The following GAS2 variants were observed in gnomAD, a reference collection of about 807,000 sequenced individuals.
The protein encoded by GAS2 is growth arrest specific 2.
A neutral mutation model predicts 37.5 loss-of-function variants in GAS2; 20 were observed. That is an observed-to-expected ratio of 0.53 (90% CI 0.37 to 0.77). The LOEUF is 0.77. Among genes scored for constraint, GAS2 ranks in the 30% least tolerant of loss-of-function variants. GAS2 has a pLI of 0.00. For missense variants in GAS2, 336 were observed against 373.4 expected, an observed-to-expected ratio of 0.90 and a Z score of 0.82; for synonymous variants, 144 against 132.2, an observed-to-expected ratio of 1.09 and a Z score of -0.61.
intron 3 of GAS2, among the ~76,000 whole-genome samples, chr11:22,708,882 A>G (rs1448598259): frequency 6.6e-6 from 1 of 152,172 alleles, no homozygotes; most frequent in Non-Finnish European, 1.5e-5. Flanking sequence ...GGGACTTGCA[A>G]TTATTTGGGC....
At chr11:22,639,085 C>G (rs1452365880) in intron 1 of GAS2, among the ~76,000 whole-genome samples, 1 of 152,080 alleles carries the variant, frequency 6.6e-6, no homozygotes, top group Non-Finnish European at 1.5e-5. Context: ...ACTTTGCAAA[C>G]ATGTTTGCCA....
At chr11:22,777,837 G>A (rs1452859255) in intron 7 of GAS2, among the ~76,000 whole-genome samples, 1 of 152,226 alleles carries the variant, frequency 6.6e-6, no homozygotes, top group Non-Finnish European at 1.5e-5. Flanking sequence ...GTACATTGAA[G>A]TTTAAGCCAA....
chr11:22,656,081 C>T (rs1261883501), intron 1 of GAS2, among the ~76,000 whole-genome samples: 2 of 152,100 alleles, frequency 1.3e-5, no homozygotes, highest in African/African-American at 4.8e-5. Context: ...TATTCATGAA[C>T]AAAGGACTAA....
intron 3 of GAS2, among the ~76,000 whole-genome samples, chr11:22,686,422 T>G (rs1849953683): frequency 6.6e-6 from 1 of 151,548 alleles, no homozygotes; most frequent in African/African-American, 2.4e-5. Flanking sequence ...TAAAAAATAT[T>G]AAAATAATGT....
intron 7 of GAS2, among the ~76,000 whole-genome samples, chr11:22,789,317 C>T (rs1453572466): frequency 1.0e-4 from 14 of 136,510 alleles, no homozygotes; most frequent in African/African-American, 3.9e-4. Flanking sequence ...CACACACACA[C>T]ACACACACAC....
intron 6 of GAS2, among the ~76,000 whole-genome samples, chr11:22,750,997 A>C (rs747989788): frequency 6.6e-6 from 1 of 151,950 alleles, no homozygotes; most frequent in African/African-American, 2.4e-5. Flanking sequence ...CTGGTATTTG[A>C]CACTGTTGAC....
At chr11:22,664,502 A>G (rs1349555778), upstream of GAS2, among the ~76,000 whole-genome samples, 1 of 152,162 alleles carries the variant, frequency 6.6e-6, no homozygotes, top group Non-Finnish European at 1.5e-5. Context: ...AATAAAAACT[A>G]AACTGTTTAA....
At chr11:22,729,987 AACCAGAATGTCT>A in intron 4 of GAS2, among the ~76,000 whole-genome samples, 1 of 151,920 alleles carries the variant, frequency 6.6e-6, no homozygotes, top group African/African-American at 2.4e-5. Flanking sequence ...TAGAGATAGG[AACCAGAATGTCT>A]ACTGAAACAT....
chr11:22,685,769 G>A lies in GAS2; in HGVS notation c.247G>A (p.Asp83Asn), dbSNP rs763659821. The A allele has an allele frequency of 1.6e-5, 26 of 1,613,258 alleles. No homozygotes were observed. The South Asian group carries it at 2.1e-4, about 13-fold the overall frequency. Reference protein sequence around the residue: ...TMQEKFKESMDANKPTKNLPL... With the variant: ...TMQEKFKESMNANKPTKNLPL... ...GCAGGAGAAATTCAAGGAGAGCATG[G>A]ATGCTAACAAGCCCACAAAGGTAAA... Residue 83 changes from aspartate to asparagine, a missense_variant, in exon 3 of 8, where the codon GAT becomes AAT. Transcript: ENST00000454584.
chr11:22,751,772 T>C (rs1211147998), intron 6 of GAS2, among the ~76,000 whole-genome samples: 1 of 151,930 alleles, frequency 6.6e-6, no homozygotes, highest in Admixed American at 6.6e-5. Context: ...AAGAAGGTGA[T>C]AGGAAAACTA....
intron 7 of GAS2, among the ~76,000 whole-genome samples, chr11:22,789,454 A>ATATATATATATATATTT (rs1564889924): frequency 1.6e-5 from 1 of 61,214 alleles, no homozygotes; most frequent in Admixed American, 2.1e-4. Flanking sequence ...ATATATATAT[A>ATATATATATATATATTT]TTCTTTTTTT....
intron 7 of GAS2, among the ~76,000 whole-genome samples, chr11:22,769,301 G>T (rs1318186262): frequency 6.6e-6 from 1 of 152,198 alleles, no homozygotes. Flanking sequence ...TGCATTCCAA[G>T]GAGCAGAGCA....
intron 1 of GAS2, among the ~76,000 whole-genome samples, chr11:22,638,345 C>T (rs1364897327): frequency 6.6e-6 from 1 of 150,828 alleles, no homozygotes; most frequent in Non-Finnish European, 1.5e-5. Context: ...GTTATTATTA[C>T]AATTTTTTTT....
intron 1 of GAS2, among the ~76,000 whole-genome samples, chr11:22,640,898 T>G (rs1221863143): frequency 6.6e-6 from 1 of 152,096 alleles, no homozygotes; most frequent in Non-Finnish European, 1.5e-5. Flanking sequence ...AGAAAGGGCA[T>G]TGTAATTCAA....
At chr11:22,712,893 A>T (rs1851475272) in intron 3 of GAS2, among the ~76,000 whole-genome samples, 1 of 152,016 alleles carries the variant, frequency 6.6e-6, no homozygotes, top group East Asian at 1.9e-4. Context: ...ACTGGCCAAC[A>T]TGATGAAAAC....
At chr11:22,699,614 G>C (rs1850725125) in intron 3 of GAS2, among the ~76,000 whole-genome samples, 1 of 152,118 alleles carries the variant, frequency 6.6e-6, no homozygotes, top group Admixed American at 6.6e-5. Context: ...CAGCTGAACA[G>C]AAATGGTTAA....
chr11:22,704,963 G>T (rs952814371), intron 3 of GAS2, among the ~76,000 whole-genome samples: 1 of 151,994 alleles, frequency 6.6e-6, no homozygotes, highest in Non-Finnish European at 1.5e-5. Context: ...TGATAATAAA[G>T]CAAACATTTA....
rs73482125 is a variant in GAS2, at chr11:22,759,136, C to T, written c.723+3183C>T. Among the ~76,000 whole-genome samples the T allele has an allele frequency of 5.5e-3, 831 of 152,032 alleles. 6 individuals carry two copies. The highest frequency in any genetic ancestry group is 0.018 in the African/African-American group (738 of 41,450). On this transcript the variant is annotated intron_variant, in intron 7 of 7. Coordinates refer to ENST00000454584, the MANE Select transcript of GAS2 (RefSeq NM_001143830.3). ...CTATACATTCAAACAGATACAGTAA[C>T]AACAACTATGAATGAAAAAATAAGA... is the stretch of plus-strand genomic sequence containing the variant.
chr11:22,737,433 G>A (rs1425342255), intron 4 of GAS2, among the ~76,000 whole-genome samples: 1 of 152,092 alleles, frequency 6.6e-6, no homozygotes, highest in Non-Finnish European at 1.5e-5. Flanking sequence ...CATTTTTAGG[G>A]TGAGATTTCC....
Sources: allele counts gnomAD v4.1 joint callset (sites outside exome capture counted in the v4.1 genomes callset), GRCh38; gene constraint gnomAD v4.1.1; transcripts MANE v1.5; gene names NCBI Gene and HGNC (gene_info 2026-07-23, HGNC 2026-07-21).